TMEM108: variants seen among roughly 807,000 people sequenced by gnomAD.
The protein encoded by TMEM108 is transmembrane protein 108, also known as cancer/testis antigen 124.
TMEM108 carries 12 observed loss-of-function variants against 35.1 expected under a neutral mutation model. That is an observed-to-expected ratio of 0.34 (90% CI 0.22 to 0.55). The LOEUF (loss-of-function observed/expected upper bound fraction) is 0.55. Among genes scored for constraint, TMEM108 ranks in the 20% least tolerant of loss-of-function variants. TMEM108 has a pLI of 0.89. For synonymous variants in TMEM108, 287 were observed against 308.6 expected, an observed-to-expected ratio of 0.93 and a Z score of 0.73; for missense variants, 680 against 753.3, an observed-to-expected ratio of 0.90 and a Z score of 1.14.
rs371659925 is a variant in TMEM108, at chr3:133,199,762, C to T, written c.-46-29504C>T. Among the ~76,000 whole-genome samples the T allele has an allele frequency of 4.4e-4, 67 of 152,290 alleles. 1 individual carries two copies. The South Asian group carries it at 6.4e-3, about 15-fold the overall frequency. ...CTGTCCATTCTCAGATCTCAAACTC[C>T]GTGCTGGGAGAACCACTACTCTCTT... On this transcript the variant is annotated intron_variant, in intron 2 of 5. Coordinates refer to ENST00000321871, the MANE Select transcript of TMEM108 (RefSeq NM_023943.4).
chr3:133,264,452 T>TAG (rs1946669155), intron 3 of TMEM108, among the ~76,000 whole-genome samples: 1 of 152,234 alleles, frequency 6.6e-6, no homozygotes, highest in Non-Finnish European at 1.5e-5. Flanking sequence ...TAGAAGTTTA[T>TAG]TCTATTAACT....
At chr3:133,094,448 A>G (rs1158114694) in intron 2 of TMEM108, among the ~76,000 whole-genome samples, 1 of 152,160 alleles carries the variant, frequency 6.6e-6, no homozygotes, top group African/African-American at 2.4e-5. Context: ...TCACAAAATT[A>G]TACTTTCAGA....
In TMEM108 at chr3:133,121,802, T is replaced by G. The variant is rs75288468; in HGVS notation, c.-47+75782T>G. Among the ~76,000 whole-genome samples, 581 of 152,202 alleles carry G rather than the reference T, an allele frequency of 3.8e-3. 6 individuals carry two copies. The highest frequency in any genetic ancestry group is 0.013 in the African/African-American group (522 of 41,528). On this transcript the variant is annotated intron_variant, in intron 2 of 5. Transcript: ENST00000321871. ...ACCAAGGGAAATTTTTTCTCTCGAGTTTGTAAGAAAAAAGTAGGAGGACTA... is the reference window on the plus strand; with the variant it reads ...ACCAAGGGAAATTTTTTCTCTCGAGGTTGTAAGAAAAAAGTAGGAGGACTA...
intron 3 of TMEM108, among the ~76,000 whole-genome samples, chr3:133,254,911 A>T (rs947930744): frequency 3.9e-5 from 6 of 152,194 alleles, no homozygotes; most frequent in African/African-American, 1.4e-4. Context: ...AGTCTCATTC[A>T]TTCATATTTC....
At chr3:133,132,762 A>G (rs1324757365) in intron 2 of TMEM108, among the ~76,000 whole-genome samples, 1 of 152,092 alleles carries the variant, frequency 6.6e-6, no homozygotes, top group Admixed American at 6.6e-5. Context: ...ATCTGAGCAA[A>G]GTAAATTGAA....
chr3:133,171,538 A>G (rs986476325), intron 2 of TMEM108, among the ~76,000 whole-genome samples: 1 of 152,186 alleles, frequency 6.6e-6, no homozygotes, highest in African/African-American at 2.4e-5. Flanking sequence ...CCATGGGCTC[A>G]AAGTACACAT....
At chr3:133,069,347 T>G (rs552305180) in intron 2 of TMEM108, among the ~76,000 whole-genome samples, 1 of 152,314 alleles carries the variant, frequency 6.6e-6, no homozygotes, top group Admixed American at 6.5e-5. Context: ...GAACCAGTTC[T>G]TTTTTAAAAT....
chr3:133,240,690 A>G (rs1157171574), intron 3 of TMEM108, among the ~76,000 whole-genome samples: 1 of 152,216 alleles, frequency 6.6e-6, no homozygotes, highest in Non-Finnish European at 1.5e-5. Context: ...TACTAGCTAT[A>G]TGACTGCACA....
rs1325166493 is a variant in TMEM108 at position 133,397,075 on chromosome 3, G to C, written c.*1089G>C. Reference sequence around the variant, plus strand: ...CGGTGGACTTGCCATCCAGCTCTCAGCTTCCACTGCTCCCCTTGTTCCCGG... The same window carrying C: ...CGGTGGACTTGCCATCCAGCTCTCACCTTCCACTGCTCCCCTTGTTCCCGG... On this transcript the variant is annotated 3_prime_UTR_variant, in exon 6 of 6. Coordinates refer to ENST00000321871, the MANE Select transcript of TMEM108 (RefSeq NM_023943.4). The C allele has an allele frequency of 6.6e-6, 1 of 152,214 alleles. No homozygotes were observed. Among genetic ancestry groups the C allele is most frequent in the Non-Finnish European group, 1.5e-5 (1 of 68,054 alleles). 9.4% of individuals were successfully genotyped at this position (152,214 alleles called of 1,614,324 possible).
At chr3:133,041,765 C>A (rs977755849) in intron 1 of TMEM108, 1 of 152,142 alleles carries the variant, frequency 6.6e-6, no homozygotes, top group African/African-American at 2.4e-5. Flanking sequence ...ACAACTTAAT[C>A]GTTTCTAATT....
intron 2 of TMEM108, among the ~76,000 whole-genome samples, chr3:133,140,152 T>G (rs963161305): frequency 2.2e-4 from 34 of 152,240 alleles, no homozygotes; most frequent in African/African-American, 8.2e-4. Context: ...CATTGCCCTT[T>G]GGGGAAAAGA....
chr3:133,095,088 C>G (rs1449692040), intron 2 of TMEM108, among the ~76,000 whole-genome samples: 2 of 152,184 alleles, frequency 1.3e-5, no homozygotes, highest in African/African-American at 4.8e-5. Flanking sequence ...AGATAACTAG[C>G]TTCTTAATTT....
At chr3:133,317,893 G>A (rs2071219387) in intron 3 of TMEM108, among the ~76,000 whole-genome samples, 1 of 152,130 alleles carries the variant, frequency 6.6e-6, no homozygotes, top group Non-Finnish European at 1.5e-5. Flanking sequence ...TACATGCAAT[G>A]AAAAAAATGT....
chr3:133,078,115 A>T (rs1943763814), intron 2 of TMEM108, among the ~76,000 whole-genome samples: 1 of 135,200 alleles, frequency 7.4e-6, no homozygotes, highest in Non-Finnish European at 1.6e-5. Context: ...TGTTTTGGCG[A>T]AAAATGGTGG....
At chr3:133,302,402 T>C (rs966528518) in intron 3 of TMEM108, among the ~76,000 whole-genome samples, 3 of 125,774 alleles carry the variant, frequency 2.4e-5, no homozygotes, top group African/African-American at 7.8e-5. Flanking sequence ...TTGAATTTTC[T>C]TTTTCTTTCT....
intron 2 of TMEM108, among the ~76,000 whole-genome samples, chr3:133,180,914 A>T (rs191929471): frequency 4.0e-5 from 6 of 149,434 alleles, no homozygotes; most frequent in Non-Finnish European, 7.4e-5. Context: ...TTTAACACAA[A>T]CTTCACTCTT....
chr3:133,094,221 A>ACCCCCCCCCCCACC (rs1559830325), intron 2 of TMEM108, among the ~76,000 whole-genome samples: 65 of 34,336 alleles, frequency 1.9e-3, no homozygotes, highest in South Asian at 4.2e-3. Flanking sequence ...CCCACCTCCC[A>ACCCCCCCCCCCACC]CCCCACCCCC....
At chr3:133,075,377 A>C (rs1943727262) in intron 2 of TMEM108, among the ~76,000 whole-genome samples, 1 of 152,212 alleles carries the variant, frequency 6.6e-6, no homozygotes, top group Non-Finnish European at 1.5e-5. Context: ...AATGCTTGGC[A>C]TTATCCAGCT....
intron 2 of TMEM108, among the ~76,000 whole-genome samples, chr3:133,172,115 G>A (rs922184417): frequency 2.0e-5 from 3 of 152,100 alleles, no homozygotes; most frequent in South Asian, 2.1e-4. Context: ...TGCATTTAAC[G>A]CTCACAGGGA....
Sources: allele counts gnomAD v4.1 joint callset (sites outside exome capture counted in the v4.1 genomes callset), GRCh38; gene constraint gnomAD v4.1.1; transcripts MANE v1.5; gene names NCBI Gene and HGNC (gene_info 2026-07-23, HGNC 2026-07-21).